KIRREL3: variants seen among roughly 807,000 people sequenced by gnomAD.
The protein encoded by KIRREL3 is kirre like nephrin family adhesion molecule 3.
KIRREL3 carries 36 observed loss-of-function variants against 89.7 expected under a neutral mutation model. That is an observed-to-expected ratio of 0.40 (90% CI 0.31 to 0.53). The LOEUF is 0.53. KIRREL3 is among the 20% of genes least tolerant of loss of function. The probability of loss-of-function intolerance (pLI) is 0.49; values close to 1 mark genes in which losing one functional copy is unlikely to be tolerated. For synonymous variants in KIRREL3, 445 were observed against 441.4 expected (o/e 1.01, Z -0.10); for missense variants, 864 against 1,056.6 (o/e 0.82, Z 2.53).
chr11:126,585,751 G>C (rs549506069), intron 1 of KIRREL3, among the ~76,000 whole-genome samples: 27 of 152,314 alleles, frequency 1.8e-4, no homozygotes, highest in Non-Finnish European at 3.1e-4. Context: ...GTGTCTGTTC[G>C]TCTGTCCAGA....
Position 126,990,153 on chromosome 11 carries a change from G to C in KIRREL3, c.55+10302C>G, listed in dbSNP as rs901339397. The stretch of plus-strand genomic sequence containing the variant: ...GGGCTGGCGGTCCCCCTGCTGGGGA[G>C]GACTCACCTTCACATACAGGAGAGA... On this transcript the variant is annotated intron_variant, in intron 1 of 16. Transcript: ENST00000525144. The surrounding 1 kb of genome is among the most constrained non-coding windows in gnomAD (Gnocchi z 6.3). Among the ~76,000 whole-genome samples the C allele has an allele frequency of 2.0e-5, 3 of 152,118 alleles. No homozygotes were observed. Among genetic ancestry groups the C allele is most frequent in the Non-Finnish European group, 4.4e-5 (3 of 68,018 alleles).
chr11:126,707,056 C>G (rs1391076055), intron 1 of KIRREL3, among the ~76,000 whole-genome samples: 1 of 151,736 alleles, frequency 6.6e-6, no homozygotes, highest in African/African-American at 2.4e-5. Context: ...TAGGCTCAAG[C>G]AATCTTCTTG....
chr11:126,956,413 C>T (rs1948923248), intron 1 of KIRREL3, among the ~76,000 whole-genome samples: 1 of 152,226 alleles, frequency 6.6e-6, no homozygotes, highest in Admixed American at 6.5e-5. Context: ...ATATCTTCAT[C>T]AGTCCATTTC....
intron 9 of KIRREL3, among the ~76,000 whole-genome samples, chr11:126,446,285 C>CTCTCTCT (rs111774154): frequency 1.4e-5 from 2 of 143,282 alleles, no homozygotes; most frequent in African/African-American, 5.2e-5. Flanking sequence ...TTTTCTTTCT[C>CTCTCTCT]CTTTCTTTCT....
rs1049542781 is a variant in KIRREL3, at chr11:126,924,467, G to A, written c.55+75988C>T. On this transcript the variant is annotated intron_variant, in intron 1 of 16. Transcript: ENST00000525144. This position sits in a 1 kb window ranked among gnomAD's most constrained non-coding sequence, Gnocchi z 4.7. ...ATAAAGAGGATTTCCAGGCACACGG[G>A]AAGTCTAACACCCATTAATCCTGTG... Among the ~76,000 whole-genome samples the A allele has an allele frequency of 6.6e-6, 1 of 152,118 alleles. No individual in the cohort carries two copies. Among genetic ancestry groups the A allele is most frequent in the Non-Finnish European group, 1.5e-5 (1 of 68,036 alleles).
chr11:126,920,533 C>T (rs1421296342), intron 1 of KIRREL3: 1 of 152,232 alleles, frequency 6.6e-6, no homozygotes, highest in Non-Finnish European at 1.5e-5. Flanking sequence ...GGTGTCAGTG[C>T]TCTGTTTGCC....
intron 1 of KIRREL3, among the ~76,000 whole-genome samples, chr11:126,951,286 G>A (rs1948766416): frequency 6.6e-6 from 1 of 152,190 alleles, no homozygotes; most frequent in Non-Finnish European, 1.5e-5. Context: ...AAAGATAGGC[G>A]AGTACATCCG....
intron 1 of KIRREL3, among the ~76,000 whole-genome samples, chr11:126,894,736 G>C (rs910226949): frequency 1.3e-5 from 2 of 151,860 alleles, no homozygotes; most frequent in East Asian, 1.9e-4. Flanking sequence ...GCAACAGAGA[G>C]AGACCCTGTC....
At chr11:126,938,338 G>A (rs1948294718) in intron 1 of KIRREL3, among the ~76,000 whole-genome samples, 1 of 152,204 alleles carries the variant, frequency 6.6e-6, no homozygotes. Context: ...AGGCTCTAAT[G>A]ACACTGGGCA....
At chr11:126,859,810 A>G (rs775477258) in intron 1 of KIRREL3, among the ~76,000 whole-genome samples, 1 of 152,178 alleles carries the variant, frequency 6.6e-6, no homozygotes, top group Non-Finnish European at 1.5e-5. Context: ...AGAGTCCATG[A>G]GGCAGCTAGG....
intron 1 of KIRREL3, among the ~76,000 whole-genome samples, chr11:126,961,364 T>A (rs771049247): frequency 2.0e-5 from 3 of 152,206 alleles, no homozygotes; most frequent in Admixed American, 6.5e-5. Context: ...CTCCAGTGAA[T>A]ACATAAATGA....
rs1216746400 is a variant in KIRREL3, at chr11:126,612,424, T to TC, written c.56-49513dup. On this transcript the variant is annotated intron_variant, in intron 1 of 16. Coordinates refer to ENST00000525144, the MANE Select transcript of KIRREL3 (RefSeq NM_032531.4). The surrounding 1 kb of genome is among the most constrained non-coding windows in gnomAD (Gnocchi z 4.5). ...ATCTCATACTTGTGTTCTCTATGCA[T>TC]CCTATCACCTGGCTCTGCTACTAAC... Among the ~76,000 whole-genome samples, 1 of 152,220 alleles carries TC rather than the reference T, an allele frequency of 6.6e-6. No individual in the cohort carries two copies. Among genetic ancestry groups the TC allele is most frequent in the Non-Finnish European group, 1.5e-5 (1 of 68,034 alleles).
chr11:126,866,058 G>A (rs541034261), intron 1 of KIRREL3, among the ~76,000 whole-genome samples: 1 of 152,322 alleles, frequency 6.6e-6, no homozygotes, highest in South Asian at 2.1e-4. Context: ...GCCTGCTGCA[G>A]TGATTTACCG....
At position 126,924,817 on chromosome 11, in the gene KIRREL3, T is replaced by G. The variant is rs765470980; in HGVS notation, c.55+75638A>C. ...AACACCCTCACCTCAACCCTCCTGGTTAGCCTCTCTGATGTTGAGAATGAA... is the reference window on the plus strand; with the variant it reads ...AACACCCTCACCTCAACCCTCCTGGGTAGCCTCTCTGATGTTGAGAATGAA... On this transcript the variant is annotated intron_variant, in intron 1 of 16. Transcript: ENST00000525144. This position sits in a 1 kb window ranked among gnomAD's most constrained non-coding sequence, Gnocchi z 4.7. Among the ~76,000 whole-genome samples, 9 of 152,164 alleles carry G rather than the reference T, an allele frequency of 5.9e-5. No homozygotes were observed. Among genetic ancestry groups the G allele is most frequent in the Non-Finnish European group, 1.0e-4 (7 of 68,030 alleles).
rs191100536 is a variant in KIRREL3, at chr11:126,987,831, A to G, written c.55+12624T>C. On this transcript the variant is annotated intron_variant, in intron 1 of 16. Transcript: ENST00000525144. This position sits in a 1 kb window ranked among gnomAD's most constrained non-coding sequence, Gnocchi z 4.6. ...TAGTTTATCATAAGTGTCTATCTTAAACCAATATTACAATTTTAAGCATGG... is the reference window on the plus strand; with the variant it reads ...TAGTTTATCATAAGTGTCTATCTTAGACCAATATTACAATTTTAAGCATGG... Among the ~76,000 whole-genome samples the G allele has an allele frequency of 4.6e-5, 7 of 152,338 alleles. No individual in the cohort carries two copies. In the East Asian group the frequency reaches 1.3e-3, roughly 29 times the overall value.
chr11:127,001,192 G>C (rs1328141668), upstream of KIRREL3: 1 of 151,954 alleles, frequency 6.6e-6, no homozygotes, highest in Non-Finnish European at 1.5e-5. Context: ...AGGAAGGGGG[G>C]GTGCGCATCT....
rs1946556571 is a variant in KIRREL3 at position 126,905,730 on chromosome 11, T to C, written c.55+94725A>G. 6.6e-6 allele frequency among the ~76,000 whole-genome samples: 1 copy of C among 152,138 alleles called. No individual in the cohort carries two copies. Among genetic ancestry groups the C allele is most frequent in the Non-Finnish European group, 1.5e-5 (1 of 68,020 alleles). On this transcript the variant is annotated intron_variant, in intron 1 of 16. Transcript: ENST00000525144. This position sits in a 1 kb window ranked among gnomAD's most constrained non-coding sequence, Gnocchi z 5.0. The stretch of plus-strand genomic sequence containing the variant: ...CAGAGACCTATGTGAGATGGAATTG[T>C]TGTGTACCGCCACAGCCTGACAACA...
At chr11:126,952,876 C>T (rs1383891824) in intron 1 of KIRREL3, among the ~76,000 whole-genome samples, 4 of 152,212 alleles carry the variant, frequency 2.6e-5, no homozygotes, top group Non-Finnish European at 5.9e-5. Flanking sequence ...TGCTTTTACA[C>T]TGTTGGTGGG....
intron 1 of KIRREL3, among the ~76,000 whole-genome samples, chr11:126,822,511 A>T (rs559723083): frequency 6.6e-6 from 1 of 152,236 alleles, no homozygotes; most frequent in South Asian, 2.1e-4. Context: ...AAGAAAGGTG[A>T]TCTGACCCTG....
Sources: gnomAD v4.1 joint callset for allele counts (sites outside exome capture counted in the v4.1 genomes callset) on GRCh38, gnomAD v4.1.1 for gene constraint, Gnocchi (gnomAD v3.1) non-coding constraint, MANE v1.5 for transcripts, NCBI Gene and HGNC (gene_info 2026-07-23, HGNC 2026-07-21) for gene names.